The following EYS variants were observed in gnomAD, a reference collection of about 807,000 sequenced individuals.
EYS encodes the protein protein eyes shut homolog.
Under a neutral mutation model 282.1 loss-of-function variants are expected in EYS, and 250 were observed. The ratio of observed to expected loss-of-function variants is 0.89; its 90% CI spans 0.80 to 0.98. The LOEUF (loss-of-function observed/expected upper bound fraction) is 0.98, where lower values mean the gene tolerates loss of function less well. Ranked by LOEUF, EYS falls within the 50% of genes least tolerant of loss-of-function variation. EYS has a pLI of 0.00. For missense variants in EYS, 4,016 were observed against 3,709.0 expected (o/e 1.08, Z -2.15); for synonymous variants, 1,355 against 1,282.9 (o/e 1.06, Z -1.20).
At chr6:64,968,987 C>T (rs766557352) in intron 14 of EYS, among the ~76,000 whole-genome samples, 1 of 152,118 alleles carries the variant, frequency 6.6e-6, no homozygotes, top group Non-Finnish European at 1.5e-5. Context: ...TGTGGGATTG[C>T]CCAAGATCTC....
At chr6:64,812,163 T>C (rs1018011346) in intron 22 of EYS, among the ~76,000 whole-genome samples, 3 of 152,016 alleles carry the variant, frequency 2.0e-5, no homozygotes, top group African/African-American at 7.2e-5. Context: ...ATGTTTACTA[T>C]ATTTTATCAA....
chr6:65,121,999 A>G (rs1775567757), intron 12 of EYS, among the ~76,000 whole-genome samples: 1 of 152,156 alleles, frequency 6.6e-6, no homozygotes, highest in African/African-American at 2.4e-5. Flanking sequence ...AATTTCTTAT[A>G]TCATGCCTTA....
intron 31 of EYS, among the ~76,000 whole-genome samples, chr6:64,220,591 T>C (rs1483165717): frequency 3.3e-5 from 5 of 152,148 alleles, no homozygotes; most frequent in Admixed American, 3.3e-4. Context: ...AGAAGGACTC[T>C]ACAATGTTCA....
chr6:64,180,611 T>G (rs1329426526), intron 31 of EYS, among the ~76,000 whole-genome samples: 3 of 152,046 alleles, frequency 2.0e-5, no homozygotes, highest in African/African-American at 7.2e-5. Context: ...CAGGGTCTGT[T>G]GTTGCCATCT....
chr6:64,449,080 C>T (rs1393525858), intron 26 of EYS, among the ~76,000 whole-genome samples: 1 of 151,998 alleles, frequency 6.6e-6, no homozygotes, highest in African/African-American at 2.4e-5. Flanking sequence ...GAAGTTCAAA[C>T]CAATGGCAAA....
intron 22 of EYS, among the ~76,000 whole-genome samples, chr6:64,641,214 C>G (rs7759608): frequency 6.6e-6 from 1 of 152,132 alleles, no homozygotes; most frequent in Non-Finnish European, 1.5e-5. Context: ...GGAGCAAGTC[C>G]CTTCTTGCAC....
intron 8 of EYS, among the ~76,000 whole-genome samples, chr6:65,376,082 T>C (rs1348087452): frequency 1.3e-5 from 2 of 151,978 alleles, no homozygotes; most frequent in African/African-American, 4.8e-5. Context: ...TCTCAGATTC[T>C]CCAAGGTTGA....
chr6:65,335,228 T>A lies in EYS; in HGVS notation c.1600-82A>T, dbSNP rs77096978. 2,961 of 915,910 alleles carry A rather than the reference T, an allele frequency of 3.2e-3. 68 individuals are homozygous for A. The East Asian group carries it at 0.052, about 16-fold the overall frequency. 56.7% of individuals were successfully genotyped at this position (915,910 alleles called of 1,614,324 possible). On this transcript the variant is annotated intron_variant, in intron 10 of 42. Coordinates refer to ENST00000503581, the MANE Select transcript of EYS (RefSeq NM_001142800.2). ...ACAATTGTGACCTGAGAGATCATGA[T>A]AGATGCCTCTCTGTCTACTAAGATG...
chr6:65,128,417 C>T (rs1344604854), intron 12 of EYS, among the ~76,000 whole-genome samples: 1 of 151,784 alleles, frequency 6.6e-6, no homozygotes, highest in East Asian at 1.9e-4. Flanking sequence ...GATTTTATAC[C>T]TAGATAACAC....
chr6:63,767,905 CAT>C (rs2149659142), intron 40 of EYS, among the ~76,000 whole-genome samples: 1 of 152,092 alleles, frequency 6.6e-6, no homozygotes, highest in African/African-American at 2.4e-5. Context: ...GGACAGAGAA[CAT>C]AGAAATAAAG....
At chr6:64,301,679 T>A (rs969268576) in intron 30 of EYS, among the ~76,000 whole-genome samples, 1 of 152,176 alleles carries the variant, frequency 6.6e-6, no homozygotes, top group East Asian at 1.9e-4. Flanking sequence ...TAGCCATCTC[T>A]GATTACGCAG....
At chr6:65,208,471 A>C (rs1766091533) in intron 12 of EYS, among the ~76,000 whole-genome samples, 1 of 151,916 alleles carries the variant, frequency 6.6e-6, no homozygotes, top group Admixed American at 6.6e-5. Flanking sequence ...AAAGGAAAAG[A>C]AATCATTATC....
chr6:64,880,258 G>A (rs1243186635), intron 19 of EYS, among the ~76,000 whole-genome samples: 3 of 151,900 alleles, frequency 2.0e-5, no homozygotes, highest in African/African-American at 7.2e-5. Flanking sequence ...CTGCAAGACT[G>A]CTAACTATAG....
At chr6:64,174,701 A>G (rs1335214808) in intron 31 of EYS, among the ~76,000 whole-genome samples, 1 of 151,898 alleles carries the variant, frequency 6.6e-6, no homozygotes, top group African/African-American at 2.4e-5. Context: ...TGTTTTACAA[A>G]TCTTAGTCAA....
At chr6:63,951,007 C>T (rs1303422609) in intron 35 of EYS, among the ~76,000 whole-genome samples, 3 of 152,112 alleles carry the variant, frequency 2.0e-5, no homozygotes, top group Non-Finnish European at 4.4e-5. Flanking sequence ...TGTCTGATCA[C>T]CACGGGGATG....
At chr6:65,443,552 G>A (rs2882614) in intron 5 of EYS, among the ~76,000 whole-genome samples, 18,794 of 135,584 alleles carry the variant, frequency 0.14, 1,152 homozygotes, top group East Asian at 0.22. Flanking sequence ...CACATGATAC[G>A]CATACATGTA....
At chr6:65,333,458 A>T (rs929252602) in intron 11 of EYS, among the ~76,000 whole-genome samples, 6 of 151,628 alleles carry the variant, frequency 4.0e-5, no homozygotes, top group Non-Finnish European at 8.9e-5. Context: ...ATAGCGTAGG[A>T]TATGATCTAT....
intron 26 of EYS, among the ~76,000 whole-genome samples, chr6:64,485,061 A>T (rs760159101): frequency 4.6e-5 from 7 of 151,690 alleles, no homozygotes; most frequent in Non-Finnish European, 1.0e-4. Flanking sequence ...ATATGAAAGA[A>T]AAAACAAATA....
intron 23 of EYS, among the ~76,000 whole-genome samples, chr6:64,622,184 T>A (rs1412994946): frequency 6.6e-6 from 1 of 152,080 alleles, no homozygotes; most frequent in Non-Finnish European, 1.5e-5. Flanking sequence ...TAACCTGAGC[T>A]CCACTTGTCA....
Sources: gnomAD v4.1 joint callset for allele counts (sites outside exome capture counted in the v4.1 genomes callset) on GRCh38, gnomAD v4.1.1 for gene constraint, MANE v1.5 for transcripts, NCBI Gene and HGNC (gene_info 2026-07-23, HGNC 2026-07-21) for gene names.